TLL2: variants seen among roughly 807,000 people sequenced by gnomAD.
The protein encoded by TLL2 is tolloid like 2, also known as tolloid-like protein 2.
Under a neutral mutation model 123.0 loss-of-function variants are expected in TLL2, and 106 were observed. The observed-to-expected ratio is 0.86, with a 90% CI of 0.74 to 1.01. The LOEUF (loss-of-function observed/expected upper bound fraction) is 1.01, where lower values mean the gene tolerates loss of function less well. Ranked by LOEUF, TLL2 falls within the 50% of genes least tolerant of loss-of-function variation. The pLI, the probability that TLL2 is intolerant of heterozygous loss-of-function variation, is 0.00. For synonymous variants in TLL2, 494 were observed against 516.8 expected, an observed-to-expected ratio of 0.96 and a Z score of 0.60; for missense variants, 1,332 against 1,336.7, an observed-to-expected ratio of 1.00 and a Z score of 0.06.
chr10:96,510,853 G>A (rs1195597279), intron 1 of TLL2, among the ~76,000 whole-genome samples: 1 of 152,242 alleles, frequency 6.6e-6, no homozygotes, highest in Non-Finnish European at 1.5e-5. Flanking sequence ...TGCAAGGTAT[G>A]AAGTAGGCCC....
At chr10:96,384,455 C>G (rs1027595993) in intron 16 of TLL2, 132 bp downstream of exon 16, 15 of 948,568 alleles carry the variant, frequency 1.6e-5, no homozygotes, top group Non-Finnish European at 2.1e-5. Context: ...CACGCCCCCT[C>G]CAAGGCAGCC....
chr10:96,474,887 TG>T (rs1847222250), intron 2 of TLL2, among the ~76,000 whole-genome samples: 1 of 152,134 alleles, frequency 6.6e-6, no homozygotes, highest in African/African-American at 2.4e-5. Context: ...CTGGCAACCC[TG>T]GTGTTCTTGG....
chr10:96,386,961 A>G lies in TLL2; in HGVS notation c.1844T>C (p.Met615Thr), dbSNP rs751139422. ...GCAGGTCCCACACCAACCTTCACAC[A>G]TCTTCTTATCGGCGGCCAGCTCGTA... ...PGYELAADKKMCEVACGGFIT... is the reference protein window; with the variant it reads ...PGYELAADKKTCEVACGGFIT... The change falls in exon 14 of 21, where the codon ATG (methionine) becomes ACG (threonine). Residue 615 changes from methionine to threonine, a missense_variant. Physicochemically the swap from Met to Thr is moderately conservative, Grantham distance 81 (BLOSUM62 -1). Coordinates refer to ENST00000357947, the MANE Select transcript of TLL2 (RefSeq NM_012465.4). 7 of 1,613,866 alleles carry G rather than the reference A, an allele frequency of 4.3e-6. No homozygotes were observed. The African/African-American group carries it at 5.3e-5, about 12-fold the overall frequency.
intron 13 of TLL2, among the ~76,000 whole-genome samples, chr10:96,393,722 TTTTTTTTC>T (rs773274445): frequency 3.9e-3 from 347 of 88,726 alleles, no homozygotes; most frequent in Admixed American, 3.8e-3. Flanking sequence ...TGGCCTGGCT[TTTTTTTTC>T]TTTTTTTTCT....
chr10:96,495,767 G>C lies in TLL2; in HGVS notation c.176-15308C>G, dbSNP rs565276891. Among the ~76,000 whole-genome samples, 3 of 152,204 alleles carry C rather than the reference G, an allele frequency of 2.0e-5. No individual in the cohort carries two copies. In the East Asian group the frequency reaches 5.8e-4, roughly 29 times the overall value. On this transcript the variant is annotated intron_variant, in intron 1 of 20. Coordinates refer to ENST00000357947, the MANE Select transcript of TLL2 (RefSeq NM_012465.4). ...CTGGATCTTTTGGTTGAGATTAAAG[G>C]GTAGGGTCTGTTTAGTATGAGAAGC...
intron 3 of TLL2, among the ~76,000 whole-genome samples, chr10:96,438,946 C>T (rs183286532): frequency 4.6e-4 from 70 of 151,932 alleles, no homozygotes; most frequent in East Asian, 3.1e-3. Flanking sequence ...GTTGATTTAG[C>T]GGGTTCTATA....
intron 15 of TLL2, among the ~76,000 whole-genome samples, chr10:96,385,290 T>C (rs1846223358): frequency 6.6e-6 from 1 of 152,182 alleles, no homozygotes; most frequent in South Asian, 2.1e-4. Flanking sequence ...TCATGTTCCT[T>C]GCTGTAGCAA....
intron 3 of TLL2, among the ~76,000 whole-genome samples, chr10:96,442,572 G>C (rs1846860202): frequency 6.6e-6 from 1 of 152,158 alleles, no homozygotes; most frequent in African/African-American, 2.4e-5. Context: ...GCAGAGTGAA[G>C]GGACTGGCCT....
intron 3 of TLL2, among the ~76,000 whole-genome samples, chr10:96,435,345 T>C (rs1307256620): frequency 6.6e-6 from 1 of 152,228 alleles, no homozygotes; most frequent in Non-Finnish European, 1.5e-5. Flanking sequence ...ATAATTAGTC[T>C]TTATATATTC....
intron 1 of TLL2, among the ~76,000 whole-genome samples, chr10:96,509,825 T>C (rs1469898705): frequency 2.0e-5 from 3 of 152,266 alleles, no homozygotes; most frequent in Non-Finnish European, 4.4e-5. Context: ...CAGGCGCCTG[T>C]AGTCCCAGCT....
chr10:96,495,688 G>C (rs1438820960), intron 1 of TLL2, among the ~76,000 whole-genome samples: 1 of 152,146 alleles, frequency 6.6e-6, no homozygotes, highest in Admixed American at 6.5e-5. Context: ...AACAGGAGGG[G>C]AGAGGTTCGG....
intron 5 of TLL2, 97 bp downstream of exon 5, chr10:96,428,534 A>T: frequency 1.2e-6 from 1 of 807,762 alleles, no homozygotes; most frequent in Non-Finnish European, 2.0e-6. Context: ...CCTCTAAATA[A>T]CAGCTCATTG....
chr10:96,375,170 A>C (rs1371713267), intron 18 of TLL2: 1 of 152,336 alleles, frequency 6.6e-6, no homozygotes, highest in African/African-American at 2.4e-5. Context: ...ACAGGGGAGC[A>C]GTGGCACCGG....
intron 10 of TLL2, among the ~76,000 whole-genome samples, chr10:96,397,655 G>A (rs942008): frequency 0.93 from 141,871 of 152,264 alleles, 66,525 homozygotes; most frequent in East Asian, 1. Flanking sequence ...CTTTCCTGGT[G>A]TTTCCTGTTG....
chr10:96,457,694 G>A (rs570640259), intron 2 of TLL2, among the ~76,000 whole-genome samples: 1 of 152,132 alleles, frequency 6.6e-6, no homozygotes, highest in Non-Finnish European at 1.5e-5. Context: ...AGAAATGCTT[G>A]GGGGGTAGGA....
chr10:96,395,225 G>A lies in TLL2; in HGVS notation c.1688C>T (p.Ser563Phe). Residue 563 changes from serine to phenylalanine, a missense_variant, in exon 13 of 21, where the codon TCT (serine) becomes TTT (phenylalanine). Coordinates refer to ENST00000357947, the MANE Select transcript of TLL2 (RefSeq NM_012465.4). Reference sequence around the variant, plus strand: ...GGCTGCAAAGCCCGCTTTATTGATAGAGCCATCGGACACAAACTTCATCCA... The same window carrying A: ...GGCTGCAAAGCCCGCTTTATTGATAAAGCCATCGGACACAAACTTCATCCA... ...RLWMKFVSDG[S>F]INKAGFAANF... 1.2e-6 allele frequency: 2 copies of A among 1,611,050 alleles called. No individual in the cohort carries two copies.
In TLL2 at chr10:96,507,524, G is replaced by A. The variant is rs374652814; in HGVS notation, c.175+5987C>T. 4.6e-5 allele frequency among the ~76,000 whole-genome samples: 7 copies of A among 152,114 alleles called. No individual in the cohort carries two copies. In the East Asian group the frequency reaches 7.7e-4, roughly 17 times the overall value. On this transcript the variant is annotated intron_variant, in intron 1 of 20. Transcript: ENST00000357947. ...TCCTCTACAGCATTTCAACAAAAGA[G>A]TTCAAGAAGTGCTGTGAGCACCTGC...
At chr10:96,432,652 C>T (rs1846755586) in intron 4 of TLL2, among the ~76,000 whole-genome samples, 155 bp downstream of exon 4, 1 of 152,130 alleles carries the variant, frequency 6.6e-6, no homozygotes, top group Non-Finnish European at 1.5e-5. Flanking sequence ...GACTGGTGGG[C>T]CAGGACTTGC....
chr10:96,511,360 A>ATGT (rs1314917588), intron 1 of TLL2, among the ~76,000 whole-genome samples: 1 of 152,166 alleles, frequency 6.6e-6, no homozygotes, highest in Non-Finnish European at 1.5e-5. Flanking sequence ...GCGGACTGAG[A>ATGT]TGTTACCTTT....
Sources: allele counts gnomAD v4.1 joint callset (sites outside exome capture counted in the v4.1 genomes callset), GRCh38; gene constraint gnomAD v4.1.1; transcripts MANE v1.5; gene names NCBI Gene and HGNC (gene_info 2026-07-23, HGNC 2026-07-21).